DNAH9: variants seen among roughly 807,000 people sequenced by gnomAD.
The protein encoded by DNAH9 is dynein axonemal heavy chain 9, also known as DNAH9 variant protein.
DNAH9 carries 345 observed loss-of-function variants against 471.6 expected under a neutral mutation model. The ratio of observed to expected loss-of-function variants is 0.73; its 90% CI spans 0.67 to 0.80. The LOEUF (loss-of-function observed/expected upper bound fraction) is 0.80. DNAH9 is among the 30% of genes least tolerant of loss of function. The pLI is 0.00. For missense variants in DNAH9, 5,407 were observed against 5,609.2 expected (o/e 0.96, Z 1.15); for synonymous variants, 2,093 against 2,123.6 (o/e 0.99, Z 0.40).
Position 11,902,831 on chromosome 17 carries a change from A to G in DNAH9, c.11519A>G (p.Gln3840Arg), listed in dbSNP as rs1176422572. ...TGTCCTGAGAAAGAGAAGCTCCCAC[A>G]GGAGTGGAAGAACAAGACAGCCCTG... is the stretch of plus-strand genomic sequence containing the variant. ...SECPEKEKLP[Q>R]EWKNKTALQR... Residue 3840 changes from glutamine (Q) to arginine (R), a missense_variant, in exon 60 of 69, where the codon CAG (glutamine) becomes CGG (arginine). Coordinates refer to ENST00000262442, the MANE Select transcript of DNAH9 (RefSeq NM_001372.4). The G allele has an allele frequency of 1.2e-6, 2 of 1,614,028 alleles. No homozygotes were observed. Among genetic ancestry groups the G allele is most frequent in the East Asian group, 4.5e-5 (2 of 44,880 alleles).
In DNAH9 at chr17:11,651,068, G is replaced by C; in HGVS notation, c.2098-1G>C. On this transcript the variant is annotated splice_acceptor_variant, in intron 12 of 68. Coordinates refer to ENST00000262442, the MANE Select transcript of DNAH9 (RefSeq NM_001372.4). LOFTEE classifies it high-confidence loss of function. ...ACACTTGTGTTGCTTCTTTTCTCCAGCTGATTTCAGTGCTGAAAGAAATGA... is the reference window on the plus strand; with the variant it reads ...ACACTTGTGTTGCTTCTTTTCTCCACCTGATTTCAGTGCTGAAAGAAATGA... 6.2e-7 allele frequency: 1 copy of C among 1,612,244 alleles called. No homozygotes were observed. Among genetic ancestry groups the C allele is most frequent in the Non-Finnish European group, 8.5e-7 (1 of 1,178,742 alleles).
chr17:11,659,523 T>A (rs2073716978), intron 14 of DNAH9, among the ~76,000 whole-genome samples: 1 of 152,202 alleles, frequency 6.6e-6, no homozygotes, highest in African/African-American at 2.4e-5. Context: ...TAAAACCCCT[T>A]GTAGCCTCTG....
At chr17:11,831,691 C>G (rs911655446) in intron 48 of DNAH9, among the ~76,000 whole-genome samples, 1 of 152,202 alleles carries the variant, frequency 6.6e-6, no homozygotes, top group Non-Finnish European at 1.5e-5. Context: ...AGTTCTCCCC[C>G]ACAGGCAATG....
intron 6 of DNAH9, among the ~76,000 whole-genome samples, chr17:11,627,982 T>A (rs1350105354): frequency 6.6e-6 from 1 of 152,148 alleles, no homozygotes; most frequent in African/African-American, 2.4e-5. Context: ...CAGTGAGATT[T>A]CCTGCAGTGG....
At position 11,933,888 on chromosome 17, in the gene DNAH9, T is replaced by C. The variant is rs771587153; in HGVS notation, c.12306T>C (p.Tyr4102=). ...TTTCCCCCATCACTCAGGTCCCCTATGATGATTTGCGCTACCTGTTTGGAG... is the reference window on the plus strand; with the variant it reads ...TTTCCCCCATCACTCAGGTCCCCTACGATGATTTGCGCTACCTGTTTGGAG... ...NFLEANAKVP[Y]DDLRYLFGEI... is the part of the protein sequence containing the mutation. Residue 4102 remains tyrosine (Y), a synonymous_variant, in exon 65 of 69, where the codon TAT becomes TAC. Coordinates refer to ENST00000262442, the MANE Select transcript of DNAH9 (RefSeq NM_001372.4). The C allele has an allele frequency of 1.8e-5, 29 of 1,612,270 alleles. No individual in the cohort carries two copies. The highest frequency in any genetic ancestry group is 2.4e-5 in the Non-Finnish European group (28 of 1,179,080).
intron 10 of DNAH9, among the ~76,000 whole-genome samples, chr17:11,641,172 C>T (rs561271447): frequency 6.6e-6 from 1 of 152,110 alleles, no homozygotes; most frequent in Admixed American, 6.5e-5. Context: ...TCTGGTCTGG[C>T]CCAAGTGGGA....
rs569242846 is a variant in DNAH9, at chr17:11,734,392, A to C, written c.5815-4488A>C. On this transcript the variant is annotated intron_variant, in intron 28 of 68. Transcript: ENST00000262442. ...AAAGATGTTGATTTAATTCCTGCGG[A>C]ATAGGACCAGTGTATCGGTACTTTC... 4.6e-5 allele frequency among the ~76,000 whole-genome samples: 7 copies of C among 152,362 alleles called. No homozygotes were observed. The South Asian group carries it at 1.5e-3, about 32-fold the overall frequency.
At chr17:11,869,777 G>A (rs1821619618) in intron 51 of DNAH9, among the ~76,000 whole-genome samples, 1 of 152,146 alleles carries the variant, frequency 6.6e-6, no homozygotes, top group Non-Finnish European at 1.5e-5. Context: ...TGTGTTATGG[G>A]TGTTTGTTTC....
intron 9 of DNAH9, among the ~76,000 whole-genome samples, chr17:11,639,179 A>T (rs560192737): frequency 2.6e-5 from 4 of 152,314 alleles, no homozygotes; most frequent in Non-Finnish European, 1.5e-5. Context: ...GGAGAGGATT[A>T]TGCAAGGGTG....
chr17:11,933,466 C>T (rs575598576), intron 64 of DNAH9, among the ~76,000 whole-genome samples: 20 of 152,020 alleles, frequency 1.3e-4, no homozygotes, highest in Non-Finnish European at 2.6e-4. Context: ...CCACAACCTC[C>T]GCCTCCCGGG....
At chr17:11,767,694 G>A (rs987810595) in intron 36 of DNAH9, among the ~76,000 whole-genome samples, 30 of 136,022 alleles carry the variant, frequency 2.2e-4, no homozygotes, top group Non-Finnish European at 4.1e-4. Flanking sequence ...TATGTTTTGG[G>A]TCTGAGTGTG....
intron 38 of DNAH9, among the ~76,000 whole-genome samples, chr17:11,775,270 A>G (rs1214674211): frequency 2.6e-5 from 4 of 152,194 alleles, no homozygotes; most frequent in Non-Finnish European, 2.9e-5. Context: ...CCAGCATACA[A>G]TAAGTGCTTT....
chr17:11,938,185 G>C (rs1213859445), intron 66 of DNAH9, among the ~76,000 whole-genome samples: 1 of 151,994 alleles, frequency 6.6e-6, no homozygotes, highest in Admixed American at 6.6e-5. Flanking sequence ...GATAAAGAAA[G>C]AATGGGCCTC....
chr17:11,618,787 G>T (rs1158950132), intron 5 of DNAH9, among the ~76,000 whole-genome samples: 1 of 152,084 alleles, frequency 6.6e-6, no homozygotes, highest in East Asian at 1.9e-4. Context: ...TGCAAGGTGG[G>T]CAGGGAAGGT....
At chr17:11,808,164 C>T (rs1969761854) in intron 44 of DNAH9, among the ~76,000 whole-genome samples, 4 of 152,198 alleles carry the variant, frequency 2.6e-5, no homozygotes, top group Admixed American at 2.6e-4. Context: ...ATCAGAAGCA[C>T]ATCTGTATCA....
At chr17:11,968,762 C>A (rs763950959) in intron 68 of DNAH9, among the ~76,000 whole-genome samples, 5 of 152,060 alleles carry the variant, frequency 3.3e-5, no homozygotes, top group Non-Finnish European at 7.4e-5. Flanking sequence ...CATAGGGAGG[C>A]CTCATCTGGA....
chr17:11,852,397 G>A (rs8067562), intron 49 of DNAH9, among the ~76,000 whole-genome samples: 55,699 of 151,866 alleles, frequency 0.37, 11,173 homozygotes, highest in Admixed American at 0.54. Flanking sequence ...CTGGCAGACA[G>A]CCTAATGCTT....
chr17:11,694,016 A>T lies in DNAH9; in HGVS notation c.4745+18A>T. 1 of 1,609,152 alleles carries T rather than the reference A, an allele frequency of 6.2e-7. No individual in the cohort carries two copies. Among genetic ancestry groups the T allele is most frequent in the Non-Finnish European group, 8.5e-7 (1 of 1,178,772 alleles). ...CAGGGCAGGTGAGGGTCCGCCCATT[A>T]CCCCTTCTCTAATAAGAAGGCATCA... On this transcript the variant is annotated intron_variant, in intron 21 of 68. Coordinates refer to ENST00000262442, the MANE Select transcript of DNAH9 (RefSeq NM_001372.4).
Position 11,636,668 on chromosome 17 carries a change from C to T in DNAH9, c.1670C>T (p.Pro557Leu), listed in dbSNP as rs372282496. Residue 557 changes from proline (P) to leucine (L), a missense_variant, in exon 9 of 69, where the codon CCG (proline) becomes CTG (leucine). Physicochemically the swap from Pro to Leu is moderately conservative, Grantham distance 98. Transcript: ENST00000262442. ...ATAGCAGGAAACCTCCTTGAAAGACCGCTGGTAGCGAGGGATACATCTGAT... is the reference window on the plus strand; with the variant it reads ...ATAGCAGGAAACCTCCTTGAAAGACTGCTGGTAGCGAGGGATACATCTGAT... ...LDIAGNLLER[P>L]LVARDTSDKY... is the part of the protein sequence containing the mutation. 1.2e-5 allele frequency: 20 copies of T among 1,613,646 alleles called. No homozygotes were observed. Among genetic ancestry groups the T allele is most frequent in the South Asian group, 7.7e-5 (7 of 91,072 alleles).
Sources: allele counts gnomAD v4.1 joint callset (sites outside exome capture counted in the v4.1 genomes callset), GRCh38; gene constraint gnomAD v4.1.1; transcripts MANE v1.5; gene names NCBI Gene and HGNC (gene_info 2026-07-23, HGNC 2026-07-21).